MACF1: variants seen among roughly 807,000 people sequenced by gnomAD.
MACF1 encodes microtubule-actin cross-linking factor 1.
A neutral mutation model predicts 854.8 loss-of-function variants in MACF1; 193 were observed. The ratio of observed to expected loss-of-function variants is 0.23; its 90% CI spans 0.20 to 0.25. MACF1 has a LOEUF of 0.25. Among genes scored for constraint, MACF1 ranks in the 10% least tolerant of loss-of-function variants. The pLI is 1.00. For synonymous variants in MACF1, 3,185 were observed against 3,226.7 expected (o/e 0.99, Z 0.44); for missense variants, 7,722 against 8,929.1 (o/e 0.86, Z 5.45).
At chr1:39,372,661 G>T in intron 52 of MACF1, 65 bp downstream of exon 52, 2 of 1,016,640 alleles carry the variant, frequency 2.0e-6, no homozygotes, top group Non-Finnish European at 3.1e-6. Flanking sequence ...CTTTGGAGAT[G>T]CCTCCTTATA....
chr1:39,263,573 A>G (rs1327963941), intron 6 of MACF1, among the ~76,000 whole-genome samples: 36 of 152,204 alleles, frequency 2.4e-4, no homozygotes, highest in Admixed American at 2.4e-3. Context: ...CATCTCAGAT[A>G]CATCCAACTT....
intron 5 of MACF1, 107 bp from the exon 6 acceptor site, chr1:39,257,829 C>G (rs1200557656): frequency 2.5e-6 from 2 of 809,242 alleles, no homozygotes; most frequent in Admixed American, 4.7e-5. Context: ...GAACTGTACA[C>G]CAAAAAAGAA....
intron 88 of MACF1, among the ~76,000 whole-genome samples, chr1:39,454,630 T>G (rs1041445833): frequency 1.5e-4 from 23 of 151,984 alleles, no homozygotes; most frequent in African/African-American, 5.6e-4. Context: ...GTGAAACCCA[T>G]CTCTACTAAA....
chr1:39,378,337 T>C, intron 52 of MACF1, 124 bp from the exon 53 acceptor site: 2 of 646,112 alleles, frequency 3.1e-6, no homozygotes, highest in Admixed American at 4.5e-5. Context: ...GAGTATGTTG[T>C]CTTGTGCTGT....
At chr1:39,386,245 C>CTTT (rs59189873) in intron 57 of MACF1, among the ~76,000 whole-genome samples, 12 of 143,110 alleles carry the variant, frequency 8.4e-5, no homozygotes, top group African/African-American at 2.8e-4. Flanking sequence ...TTGATACCCA[C>CTTT]TTTTTTTTTT....
At chr1:39,295,928 T>A (rs755227993) in intron 20 of MACF1, 46 bp downstream of exon 20, 1 of 1,534,236 alleles carries the variant, frequency 6.5e-7, no homozygotes, top group Non-Finnish European at 9.0e-7. Flanking sequence ...ATATGTATGT[T>A]AAAGGTGAGG....
At chr1:39,240,617 G>A (rs1644911138) in intron 2 of MACF1, among the ~76,000 whole-genome samples, 1 of 152,186 alleles carries the variant, frequency 6.6e-6, no homozygotes, top group Non-Finnish European at 1.5e-5. Flanking sequence ...TCCTGCCTCA[G>A]CCTCCCGAGT....
At chr1:39,253,427 T>G (rs530756275) in intron 4 of MACF1, among the ~76,000 whole-genome samples, 33 of 152,258 alleles carry the variant, frequency 2.2e-4, no homozygotes, top group Middle Eastern at 3.4e-3. Context: ...TCCTAATTTT[T>G]GCCTCCCATT....
At position 39,334,280 on chromosome 1, in the gene MACF1, T is replaced by C. The variant is rs143839291; in HGVS notation, c.7692T>C (p.Asp2564=). 1.9e-6 allele frequency: 3 copies of C among 1,613,648 alleles called. No homozygotes were observed. In the African/African-American group the frequency reaches 4.0e-5, roughly 22 times the overall value. ...NISLPKAIKL[D]LITSDLKREI... ...CCCTCCCTAAAGCCATAAAATTAGA[T>C]CTTATTACCTCAGACCTGAAAAGAG... Residue 2564 remains aspartate, a synonymous_variant, in exon 37 of 101, where the codon GAT becomes GAC. Coordinates refer to ENST00000564288, the MANE Select transcript of MACF1 (RefSeq NM_001394062.1).
At chr1:39,327,091 A>C (rs764329065) in intron 35 of MACF1, 127 bp from the exon 36 acceptor site, 1 of 924,460 alleles carries the variant, frequency 1.1e-6, no homozygotes, top group Admixed American at 3.0e-5. Context: ...GAAATGCCAA[A>C]GTCTCCGATG....
chr1:39,467,444 A>AT (rs1237943411), intron 95 of MACF1, among the ~76,000 whole-genome samples: 1 of 152,078 alleles, frequency 6.6e-6, no homozygotes, highest in Non-Finnish European at 1.5e-5. Flanking sequence ...TAGGAATTCC[A>AT]TTTCTCCTAC....
At position 39,327,208 on chromosome 1, in the gene MACF1, C is replaced by T. The variant is rs747959540; in HGVS notation, c.4479-10C>T. The T allele has an allele frequency of 3.2e-6, 5 of 1,552,924 alleles. No individual in the cohort carries two copies. The Admixed American group carries it at 7.1e-5, about 22-fold the overall frequency. On this transcript the variant is annotated splice_polypyrimidine_tract_variant and intron_variant, in intron 35 of 100. Coordinates refer to ENST00000564288, the MANE Select transcript of MACF1 (RefSeq NM_001394062.1). ...TTCTCCTAAAAAAGCTTTAATGCTTCATCTTCCAGGCTCTCAGAAAAAGAG... is the reference window on the plus strand; with the variant it reads ...TTCTCCTAAAAAAGCTTTAATGCTTTATCTTCCAGGCTCTCAGAAAAAGAG...
intron 2 of MACF1, among the ~76,000 whole-genome samples, chr1:39,194,085 G>A (rs1023075995): frequency 2.0e-5 from 3 of 151,886 alleles, no homozygotes; most frequent in Non-Finnish European, 2.9e-5. Context: ...CAACCACCTC[G>A]TCCTCCCAAA....
At chr1:39,462,767 T>C (rs1644581312) in intron 93 of MACF1, among the ~76,000 whole-genome samples, 1 of 152,112 alleles carries the variant, frequency 6.6e-6, no homozygotes, top group African/African-American at 2.4e-5. Context: ...TTTAAAATGG[T>C]GTATACCCAT....
intron 98 of MACF1, among the ~76,000 whole-genome samples, chr1:39,480,549 A>C (rs1285093342): frequency 6.6e-6 from 1 of 152,186 alleles, no homozygotes; most frequent in African/African-American, 2.4e-5. Context: ...GGATTGCTTG[A>C]GCCCAGGAAT....
intron 63 of MACF1, among the ~76,000 whole-genome samples, chr1:39,429,032 C>A (rs919851815): frequency 6.6e-6 from 1 of 152,074 alleles, no homozygotes. Context: ...TCTCATCCAG[C>A]GCATAGGAAA....
intron 2 of MACF1, among the ~76,000 whole-genome samples, chr1:39,194,456 G>A (rs1276266317): frequency 1.3e-5 from 2 of 148,506 alleles, no homozygotes; most frequent in Admixed American, 1.3e-4. Flanking sequence ...CGGGCTCAAG[G>A]GATTCTTCTG....
chr1:39,374,634 A>G (rs374344405), intron 52 of MACF1, among the ~76,000 whole-genome samples: 4 of 152,314 alleles, frequency 2.6e-5, no homozygotes, highest in South Asian at 4.1e-4. Flanking sequence ...GCCAAAGACA[A>G]TACATTAATA....
At chr1:39,483,086 CAAAAAAAAAAA>C (rs1198703166) in intron 99 of MACF1, among the ~76,000 whole-genome samples, 6 of 22,762 alleles carry the variant, frequency 2.6e-4, no homozygotes, top group Admixed American at 2.2e-3. Flanking sequence ...GACTCTGTCT[CAAAAAAAAAAA>C]AAAAAAAAAA....
Sources: allele counts gnomAD v4.1 joint callset (sites outside exome capture counted in the v4.1 genomes callset), GRCh38; gene constraint gnomAD v4.1.1; transcripts MANE v1.5; gene names NCBI Gene and HGNC (gene_info 2026-07-23, HGNC 2026-07-21).